UNC13A: variants seen among roughly 807,000 people sequenced by gnomAD.
UNC13A encodes the protein unc-13 homolog A.
UNC13A carries 61 observed loss-of-function variants against 219.7 expected under a neutral mutation model. That is an observed-to-expected ratio of 0.28 (90% confidence interval 0.23 to 0.34). The LOEUF (loss-of-function observed/expected upper bound fraction) is 0.34. Among genes scored for constraint, UNC13A ranks in the 10% least tolerant of loss-of-function variants. The pLI is 1.00. For missense variants in UNC13A, 1,476 were observed against 2,270.3 expected, an observed-to-expected ratio of 0.65 and a Z score of 7.11; for synonymous variants, 920 against 884.6, an observed-to-expected ratio of 1.04 and a Z score of -0.71.
Position 17,653,821 on chromosome 19 carries a change from CTTTTTTTT to C in UNC13A, c.1393-1152_1393-1145del, listed in dbSNP as rs57243215. On this transcript the variant is annotated intron_variant, in intron 11 of 43. Coordinates refer to ENST00000519716, the MANE Select transcript of UNC13A (RefSeq NM_001080421.3). ...AATAAATATTTTGGATATCACTTCT[CTTTTTTTT>C]TTTTTTTTTTTTTTTGAAATGGAGT... Among the ~76,000 whole-genome samples, 444 of 78,294 alleles carry C rather than the reference CTTTTTTTT, an allele frequency of 5.7e-3. 1 individual carries two copies. The highest frequency in any genetic ancestry group is 0.021 in the African/African-American group (397 of 18,504). 51.4% of individuals were successfully genotyped at this position (78,294 alleles called of 152,430 possible).
chr19:17,628,426 C>T (rs929842982), intron 31 of UNC13A: 13 of 171,906 alleles, frequency 7.6e-5, no homozygotes, highest in East Asian at 1.6e-4. Context: ...CATTCAACAC[C>T]GCCATACCAA....
chr19:17,644,232 A>G (rs1325913451), intron 19 of UNC13A, among the ~76,000 whole-genome samples: 4 of 152,158 alleles, frequency 2.6e-5, no homozygotes, highest in East Asian at 1.9e-4. Flanking sequence ...TCTATCGCCC[A>G]GGCTGGAGTG....
At chr19:17,650,529 A>G (rs2079324486) in intron 12 of UNC13A, among the ~76,000 whole-genome samples, 1 of 152,084 alleles carries the variant, frequency 6.6e-6, no homozygotes, top group Non-Finnish European at 1.5e-5. Context: ...AAAATAAAAT[A>G]TAGATGAAAC....
intron 1 of UNC13A, among the ~76,000 whole-genome samples, chr19:17,682,645 G>A (rs2080039735): frequency 6.6e-6 from 1 of 152,166 alleles, no homozygotes; most frequent in South Asian, 2.1e-4. Flanking sequence ...CTAGCTGGAG[G>A]GTATCAGGGA....
In UNC13A at chr19:17,623,558, T is replaced by G; in HGVS notation, c.4198-11A>C. The G allele has an allele frequency of 1.5e-6, 2 of 1,290,610 alleles. No individual in the cohort carries two copies. Among genetic ancestry groups the G allele is most frequent in the Non-Finnish European group, 2.0e-6 (2 of 994,380 alleles). The allele number at this position is 1,290,610 out of a possible 1,614,324, so 79.9% of individuals were successfully genotyped here. A position where few individuals can be genotyped will look rare whatever the true frequency, so the allele number is the denominator to read the frequency against. ...TCTACTTACGATCATCTGTCATCCGTGATGGGGGCGGGGCGGTGGGGGAGG... is the reference window on the plus strand; with the variant it reads ...TCTACTTACGATCATCTGTCATCCGGGATGGGGGCGGGGCGGTGGGGGAGG... On this transcript the variant is annotated splice_polypyrimidine_tract_variant and intron_variant, in intron 35 of 43. Transcript: ENST00000519716.
chr19:17,676,273 GA>G (rs2079897649), intron 1 of UNC13A: 1 of 658,780 alleles, frequency 1.5e-6, no homozygotes, highest in African/African-American at 1.8e-5. Context: ...AGGAGGCAGG[GA>G]TGAGAGGGAG....
At chr19:17,610,613 G>A (rs898378121) in intron 42 of UNC13A, among the ~76,000 whole-genome samples, 5 of 152,154 alleles carry the variant, frequency 3.3e-5, no homozygotes, top group African/African-American at 1.2e-4. Context: ...AAAAAATCAC[G>A]TGTACTACTT....
rs946760953 is a variant in UNC13A, at chr19:17,604,974, A to G, written c.*1080T>C. 1.3e-5 allele frequency: 2 copies of G among 152,560 alleles called. No individual in the cohort carries two copies. The highest frequency in any genetic ancestry group is 2.9e-5 in the Non-Finnish European group (2 of 68,034). 9.5% of individuals were successfully genotyped at this position (152,560 alleles called of 1,614,324 possible). A position where few individuals can be genotyped will look rare whatever the true frequency, so the allele number is the denominator to read the frequency against. ...TGGAAAAGGAAGAAGGGATGGAGAA[A>G]CCTGGGACCAGGGGATCCCAAATTC... On this transcript the variant is annotated 3_prime_UTR_variant, in exon 44 of 44. Coordinates refer to ENST00000519716, the MANE Select transcript of UNC13A (RefSeq NM_001080421.3).
chr19:17,622,130 AAGTC>A (rs1332805386), intron 36 of UNC13A, among the ~76,000 whole-genome samples: 1 of 152,198 alleles, frequency 6.6e-6, no homozygotes, highest in African/African-American at 2.4e-5. Flanking sequence ...GAGCTAAAGA[AAGTC>A]AGAAAGAAGG....
chr19:17,682,536 G>A (rs1161846725), intron 1 of UNC13A, among the ~76,000 whole-genome samples: 3 of 152,156 alleles, frequency 2.0e-5, no homozygotes, highest in African/African-American at 7.2e-5. Context: ...AGAAAAGTGA[G>A]GCCAGGTTAG....
chr19:17,658,926 T>C (rs1310003291), intron 8 of UNC13A, among the ~76,000 whole-genome samples: 1 of 152,104 alleles, frequency 6.6e-6, no homozygotes, highest in Non-Finnish European at 1.5e-5. Context: ...CTAAAAGATA[T>C]TTTGGTTTAG....
At position 17,620,677 on chromosome 19, in the gene UNC13A, G is replaced by T; in HGVS notation, c.4272+16C>A. On this transcript the variant is annotated intron_variant, in intron 38 of 43. Transcript: ENST00000519716. ...GTGGGATGGGAGCCAGACAGACAGT[G>T]AGAGGCCGGTCTTACGTCTGAGTGG... 6.2e-7 allele frequency: 1 copy of T among 1,611,970 alleles called. No individual in the cohort carries two copies.
At chr19:17,661,472 T>C (rs1285584709) in intron 8 of UNC13A, among the ~76,000 whole-genome samples, 10 of 151,780 alleles carry the variant, frequency 6.6e-5, no homozygotes, top group African/African-American at 2.4e-4. Flanking sequence ...GGCGGGAGGA[T>C]TGCTTGAGGT....
In UNC13A at chr19:17,641,497, G is replaced by A; in HGVS notation, c.2532C>T (p.Ala844=). ...QNNGVVKIPD[A]KGDDAWKVYY... is the part of the protein sequence containing the mutation. ...AAACCTTCCAGGCATCGTCACCCTT[G>A]GCATCTGGGATCTTCACGACCCCAT... is the stretch of plus-strand genomic sequence containing the variant. The change falls in exon 21 of 44, where the codon GCC becomes GCT. Residue 844 remains alanine, a synonymous_variant. Coordinates refer to ENST00000519716, the MANE Select transcript of UNC13A (RefSeq NM_001080421.3). 1 of 1,614,048 alleles carries A rather than the reference G, an allele frequency of 6.2e-7. No homozygotes were observed. Among genetic ancestry groups the A allele is most frequent in the Non-Finnish European group, 8.5e-7 (1 of 1,179,984 alleles).
intron 3 of UNC13A, among the ~76,000 whole-genome samples, chr19:17,673,110 C>T (rs1027986676): frequency 2.0e-5 from 3 of 152,172 alleles, no homozygotes; most frequent in Non-Finnish European, 4.4e-5. Context: ...GTAATCCCAG[C>T]ACTTTGGGAG....
At chr19:17,683,821 G>T (rs1043814133) in intron 1 of UNC13A, among the ~76,000 whole-genome samples, 1 of 152,092 alleles carries the variant, frequency 6.6e-6, no homozygotes, top group Non-Finnish European at 1.5e-5. Context: ...GGGCGTGGTG[G>T]CTCACACCTG....
At chr19:17,617,653 G>A (rs1049123421) in intron 41 of UNC13A, 49 bp downstream of exon 41, 3 of 1,600,356 alleles carry the variant, frequency 1.9e-6, no homozygotes, top group Non-Finnish European at 2.6e-6. Flanking sequence ...CTTGGGGCGG[G>A]GCTGTCTCCG....
At position 17,609,957 on chromosome 19, in the gene UNC13A, G is replaced by C. The variant is rs1257995991; in HGVS notation, c.4794C>G (p.Tyr1598Ter). The change falls in exon 43 of 44, where the codon TAC becomes TAG. Residue 1598 changes from tyrosine (Y) to a stop codon, truncating the protein, a stop_gained. Transcript: ENST00000519716. LOFTEE classifies it low-confidence loss of function (END_TRUNC). ...AAACTCACAACTGGAAGCTCTCATT[G>C]TACTTGGGAGCCCAGCTATTGTTCT... Reference protein sequence around the residue: ...KSKNNSWAPKYNESFQFTLSA... With the variant: ...KSKNNSWAPK 6.2e-7 allele frequency: 1 copy of C among 1,613,656 alleles called. No individual in the cohort carries two copies. The highest frequency in any genetic ancestry group is 8.5e-7 in the Non-Finnish European group (1 of 1,179,888).
intron 5 of UNC13A, 83 bp from the exon 6 acceptor site, chr19:17,668,273 C>A: frequency 7.2e-7 from 1 of 1,380,418 alleles, no homozygotes; most frequent in Non-Finnish European, 1.0e-6. Flanking sequence ...GAGCTCCACC[C>A]GGGCCCTGGC....
Sources: gnomAD v4.1 joint callset for allele counts (sites outside exome capture counted in the v4.1 genomes callset) on GRCh38, gnomAD v4.1.1 for gene constraint, MANE v1.5 for transcripts, NCBI Gene and HGNC (gene_info 2026-07-23, HGNC 2026-07-21) for gene names.